Variants in ASIC4 observed in about 807,000 individuals in gnomAD.
The protein encoded by ASIC4 is acid sensing ion channel subunit family member 4, also known as acid-sensing ion channel 4.
In ASIC4, 28 loss-of-function variants were observed where a neutral mutation model predicts 53.4. The observed-to-expected ratio is 0.52, with a 90% CI of 0.39 to 0.72. The LOEUF is 0.72. ASIC4 is among the 30% of genes least tolerant of loss of function. The probability of loss-of-function intolerance (pLI) is 0.00; values close to 1 mark genes in which losing one functional copy is unlikely to be tolerated. For missense variants in ASIC4, 649 were observed against 729.7 expected, an observed-to-expected ratio of 0.89 and a Z score of 1.27; for synonymous variants, 289 against 301.4, an observed-to-expected ratio of 0.96 and a Z score of 0.43.
In ASIC4 at chr2:219,537,948, C is replaced by CT; in HGVS notation, c.1522_1523insT (p.Arg508LeufsTer28). 6.2e-7 allele frequency: 1 copy of CT among 1,609,746 alleles called. No homozygotes were observed. The highest frequency in any genetic ancestry group is 8.5e-7 in the Non-Finnish European group (1 of 1,177,978). The stretch of plus-strand genomic sequence containing the variant: ...TCTCCTGCAGAGTCCCTGCCCGAGC[C>CT]GGGGCCGAGTGGAGGGTGGGGGGGT... On this transcript the variant is annotated frameshift_variant, in exon 10 of 10. Coordinates refer to ENST00000358078, the MANE Select transcript of ASIC4 (RefSeq NM_018674.6). LOFTEE classifies it high-confidence loss of function. This position sits in a 1 kb window ranked among gnomAD's most constrained non-coding sequence, Gnocchi z 4.9.
chr2:219,537,883 G>C lies in ASIC4; in HGVS notation c.1507-50G>C. 6.6e-7 allele frequency: 1 copy of C among 1,514,194 alleles called. No homozygotes were observed. Among genetic ancestry groups the C allele is most frequent in the Non-Finnish European group, 9.0e-7 (1 of 1,109,616 alleles). The allele number at this position is 1,514,194 out of a possible 1,614,324, so 93.8% of individuals were successfully genotyped here. Reference sequence around the variant, plus strand: ...AAGGCTGGCGGTGTGAGCCCTGGGGGCACCACTTGAGCTCTCCCGGTCCCA... The same window carrying C: ...AAGGCTGGCGGTGTGAGCCCTGGGGCCACCACTTGAGCTCTCCCGGTCCCA... On this transcript the variant is annotated intron_variant, in intron 9 of 9. Coordinates refer to ENST00000358078, the MANE Select transcript of ASIC4 (RefSeq NM_018674.6). This position sits in a 1 kb window ranked among gnomAD's most constrained non-coding sequence, Gnocchi z 4.9.
chr2:219,508,981 G>A, the ASIC4 span, among the ~76,000 whole-genome samples: 5 of 152,034 alleles, frequency 3.3e-5, no homozygotes, highest in Non-Finnish European at 5.9e-5. Flanking sequence ...GAGGAGAGCC[G>A]GGGACAGGGA....
upstream of ASIC4, chr2:219,514,311 G>A (rs1376064003): frequency 6.6e-7 from 1 of 1,511,946 alleles, no homozygotes; most frequent in Non-Finnish European, 8.8e-7. Context: ...GACATGTCCT[G>A]AATTATTAAG....
intron 1 of ASIC4, among the ~76,000 whole-genome samples, chr2:219,521,197 G>A (rs941344159): frequency 8.5e-5 from 13 of 152,208 alleles, no homozygotes; most frequent in African/African-American, 3.1e-4. Flanking sequence ...CAGAGGGCTG[G>A]TCTTCAAGGG....
Position 219,532,437 on chromosome 2 carries a change from C to T in ASIC4, c.978C>T (p.Ala326=), listed in dbSNP as rs745623068. 28 of 1,613,662 alleles carry T rather than the reference C, an allele frequency of 1.7e-5. No individual in the cohort carries two copies. The highest frequency in any genetic ancestry group is 1.3e-4 in the African/African-American group (10 of 74,946). Residue 326 remains alanine, a synonymous_variant, in exon 4 of 10, where the codon GCC becomes GCT. Coordinates refer to ENST00000358078, the MANE Select transcript of ASIC4 (RefSeq NM_018674.6). The part of the protein sequence containing the change: ...SACRLRCEKE[A]VLQRCHCRMV... ...GCCGGCTGCGCTGTGAAAAGGAGGC[C>T]GTGCTTCAGCGCTGCCACTGCCGGA...
intron 1 of ASIC4, among the ~76,000 whole-genome samples, chr2:219,515,564 C>T (rs1466452064): frequency 1.3e-5 from 2 of 152,262 alleles, no homozygotes; most frequent in African/African-American, 4.8e-5. Context: ...GTGCCCAGGT[C>T]TGGGAGTTGG....
chr2:219,535,149 A>G, intron 5 of ASIC4, 22 bp from the exon 6 acceptor site: 1 of 1,602,460 alleles, frequency 6.2e-7, no homozygotes, highest in South Asian at 1.1e-5. Flanking sequence ...CTCCCACTGT[A>G]GCTGCTACCT....
At position 219,514,901 on chromosome 2, in the gene ASIC4, C is replaced by T. The variant is rs765074888; in HGVS notation, c.177C>T (p.Gly59=). The T allele has an allele frequency of 6.2e-7, 1 of 1,612,812 alleles. No individual in the cohort carries two copies. Among genetic ancestry groups the T allele is most frequent in the South Asian group, 1.1e-5 (1 of 91,038 alleles). ...STLHGLGRAC[G]PGPHGLRRTL... The stretch of plus-strand genomic sequence containing the variant: ...TGCATGGACTGGGCCGGGCCTGTGG[C>T]CCAGGCCCCCACGGACTGCGCAGAA... Residue 59 remains glycine, a synonymous_variant, in exon 1 of 10, where the codon GGC becomes GGT. Transcript: ENST00000358078.
In ASIC4 at chr2:219,514,785, A is replaced by G. The variant is rs370326626; in HGVS notation, c.61A>G (p.Lys21Glu). ...TGAGGAGGATGCGAAACCCAAGGAG[A>G]AGGAGGCAGGGGATGAGCAGAGCCT... ...FAEEDAKPKE[K>E]EAGDEQSLLG... Residue 21 changes from lysine to glutamate, a missense_variant, in exon 1 of 10, where the codon AAG becomes GAG. Coordinates refer to ENST00000358078, the MANE Select transcript of ASIC4 (RefSeq NM_018674.6). The G allele has an allele frequency of 5.6e-6, 9 of 1,613,004 alleles. No individual in the cohort carries two copies. The Admixed American group carries it at 6.7e-5, about 12-fold the overall frequency.
upstream of ASIC4, among the ~76,000 whole-genome samples, chr2:219,512,380 G>A (rs62191573): frequency 0.052 from 7,930 of 152,238 alleles, 266 homozygotes; most frequent in Non-Finnish European, 0.07. Context: ...GGGTAGCAAC[G>A]AGTGCTGCGG....
chr2:219,527,270 G>C lies in ASIC4; in HGVS notation c.583-4488G>C, dbSNP rs542546262. On this transcript the variant is annotated intron_variant, in intron 1 of 9. Transcript: ENST00000358078. ...TCTGACCAGCAGTCAGGACTGACCC[G>C]GGCTGTGCAGGTGGCCTCCTCCTGC... 5.9e-5 allele frequency among the ~76,000 whole-genome samples: 9 copies of C among 152,312 alleles called. No individual in the cohort carries two copies. The East Asian group carries it at 1.7e-3, about 29-fold the overall frequency.
chr2:219,514,890 C>T lies in ASIC4; in HGVS notation c.166C>T (p.Arg56Trp), dbSNP rs770757537. Residue 56 changes from arginine to tryptophan, a missense_variant, in exon 1 of 10, where the codon CGG becomes TGG. Arg to Trp is a moderately radical substitution (Grantham distance 101). Transcript: ENST00000358078. ...CACCAGCACCCTGCATGGACTGGGC[C>T]GGGCCTGTGGCCCAGGCCCCCACGG... ...ASTSTLHGLG[R>W]ACGPGPHGLR... The T allele has an allele frequency of 1.7e-5, 28 of 1,612,640 alleles. No individual in the cohort carries two copies. The highest frequency in any genetic ancestry group is 7.7e-5 in the South Asian group (7 of 91,040).
chr2:219,509,139 GCCAGGGGGCCCAGT>G, the ASIC4 span, among the ~76,000 whole-genome samples: 1 of 151,878 alleles, frequency 6.6e-6, no homozygotes, highest in Non-Finnish European at 1.5e-5. The surrounding 1 kb of genome is among the most constrained non-coding windows in gnomAD (Gnocchi z 5.2). Flanking sequence ...AGGCCAGGCT[GCCAGGGGGCCCAGT>G]CCCACCTCCA....
intron 1 of ASIC4, among the ~76,000 whole-genome samples, chr2:219,520,850 C>G (rs73991598): frequency 7.9e-4 from 120 of 152,322 alleles, no homozygotes; most frequent in African/African-American, 2.8e-3. Flanking sequence ...GAACTGAAGA[C>G]CACTTAGTCT....
intron 1 of ASIC4, among the ~76,000 whole-genome samples, chr2:219,530,433 C>T (rs931091140): frequency 2.0e-5 from 3 of 152,274 alleles, no homozygotes; most frequent in African/African-American, 4.8e-5. Context: ...TCAAGTGTCC[C>T]TTGTGCCCTG....
chr2:219,537,033 C>T lies in ASIC4; in HGVS notation c.1230-33C>T, dbSNP rs756644020. 4 of 1,591,862 alleles carry T rather than the reference C, an allele frequency of 2.5e-6. 1 individual carries two copies. In the South Asian group the frequency reaches 4.4e-5, roughly 18 times the overall value. ...CTGCCAGCCTTCTCAGGAAGAGAGG[C>T]CCACACGGATACCCTGCTTCCTGTC... On this transcript the variant is annotated intron_variant, in intron 6 of 9. Transcript: ENST00000358078. This position sits in a 1 kb window ranked among gnomAD's most constrained non-coding sequence, Gnocchi z 4.9.
intron 1 of ASIC4, among the ~76,000 whole-genome samples, chr2:219,528,166 A>C (rs1303900535): frequency 6.6e-6 from 1 of 152,240 alleles, no homozygotes; most frequent in East Asian, 1.9e-4. Context: ...TCAGATTTCT[A>C]CAAATACTAA....
chr2:219,511,557 G>A (rs1266463133), upstream of ASIC4, among the ~76,000 whole-genome samples: 1 of 152,160 alleles, frequency 6.6e-6, no homozygotes. The surrounding 1 kb of genome is among the most constrained non-coding windows in gnomAD (Gnocchi z 5.3). Context: ...CCTGGGATGA[G>A]GCTTCACATT....
chr2:219,537,986 C>T lies in ASIC4; in HGVS notation c.1560C>T (p.Leu520=). 1 of 1,613,112 alleles carries T rather than the reference C, an allele frequency of 6.2e-7. No individual in the cohort carries two copies. Among genetic ancestry groups the T allele is most frequent in the Non-Finnish European group, 8.5e-7 (1 of 1,179,694 alleles). Residue 520 remains leucine, a synonymous_variant, in exon 10 of 10, where the codon CTC becomes CTT. Transcript: ENST00000358078. This position sits in a 1 kb window ranked among gnomAD's most constrained non-coding sequence, Gnocchi z 4.9. ...AGGGTGGGGGGGTCAGCAGTCTGCT[C>T]CCCAATCACCACCACCCCCACGGTC... ...RVEGGGVSSL[L]PNHHHPHGPP... is the part of the protein sequence containing the mutation.
Sources: allele counts gnomAD v4.1 joint callset (sites outside exome capture counted in the v4.1 genomes callset), GRCh38; gene constraint gnomAD v4.1.1; non-coding constraint Gnocchi (gnomAD v3.1); transcripts MANE v1.5; gene names NCBI Gene and HGNC (gene_info 2026-07-23, HGNC 2026-07-21).